The following ETV6 variants were observed in gnomAD, a reference collection of about 807,000 sequenced individuals.
ETV6 encodes ETS variant transcription factor 6, also known as transcription factor ETV6.
ETV6 carries 16 observed loss-of-function variants against 51.1 expected under a neutral mutation model. That is an observed-to-expected ratio of 0.31 (90% CI 0.21 to 0.48). The LOEUF (loss-of-function observed/expected upper bound fraction) is 0.48, where lower values mean the gene tolerates loss of function less well. Ranked by LOEUF, ETV6 falls within the 20% of genes least tolerant of loss-of-function variation. The probability of loss-of-function intolerance (pLI) is 0.99; values close to 1 mark genes in which losing one functional copy is unlikely to be tolerated. For synonymous variants in ETV6, 240 were observed against 224.1 expected, an observed-to-expected ratio of 1.07 and a Z score of -0.64; for missense variants, 458 against 594.8, an observed-to-expected ratio of 0.77 and a Z score of 2.39.
intron 2 of ETV6, among the ~76,000 whole-genome samples, chr12:11,773,738 T>C (rs545672985): frequency 3.3e-4 from 51 of 152,362 alleles, no homozygotes; most frequent in Admixed American, 1.2e-3. Flanking sequence ...GTAAGAGGAC[T>C]ATACTTGGTA....
chr12:11,736,320 G>A (rs367865016), intron 1 of ETV6, among the ~76,000 whole-genome samples: 2 of 152,180 alleles, frequency 1.3e-5, no homozygotes, highest in East Asian at 3.8e-4. Flanking sequence ...CATAGTCTGT[G>A]TCCCCTTTTT....
intron 2 of ETV6, among the ~76,000 whole-genome samples, chr12:11,791,362 A>T (rs1945586918): frequency 6.6e-6 from 1 of 152,236 alleles, no homozygotes; most frequent in South Asian, 2.1e-4. Context: ...ATGAATGTTG[A>T]CAGTCTTCCT....
At chr12:11,824,459 G>A (rs1464468489) in intron 2 of ETV6, among the ~76,000 whole-genome samples, 1 of 152,216 alleles carries the variant, frequency 6.6e-6, no homozygotes, top group African/African-American at 2.4e-5. Flanking sequence ...CTGTGGAGAA[G>A]CTGCTGGGAG....
intron 2 of ETV6, among the ~76,000 whole-genome samples, chr12:11,761,178 T>C (rs924325232): frequency 1.3e-5 from 2 of 152,200 alleles, no homozygotes; most frequent in Admixed American, 6.5e-5. Context: ...TTTCATTCTA[T>C]CTATTGGTTA....
intron 1 of ETV6, among the ~76,000 whole-genome samples, chr12:11,740,735 G>T (rs986159257): frequency 6.6e-6 from 1 of 152,102 alleles, no homozygotes; most frequent in Non-Finnish European, 1.5e-5. Flanking sequence ...AAATAAATAC[G>T]CCGGGTTCTT....
intron 1 of ETV6, among the ~76,000 whole-genome samples, chr12:11,734,977 T>C (rs565003128): frequency 6.6e-6 from 1 of 152,168 alleles, no homozygotes; most frequent in South Asian, 2.1e-4. Context: ...TAAAGTGTCA[T>C]GGAAGTGAAA....
At chr12:11,757,670 T>C (rs2051524) in intron 2 of ETV6, among the ~76,000 whole-genome samples, 93,015 of 152,020 alleles carry the variant, frequency 0.61, 29,004 homozygotes, top group Admixed American at 0.73. Context: ...ACCTTTCAGC[T>C]TTTTTAGGAG....
At chr12:11,783,053 C>G (rs964022661) in intron 2 of ETV6, among the ~76,000 whole-genome samples, 1 of 151,994 alleles carries the variant, frequency 6.6e-6, no homozygotes, top group Admixed American at 6.6e-5. Flanking sequence ...CAAGCCAAAG[C>G]AGTGTCAGAG....
At chr12:11,752,416 C>A (rs765523134) in intron 1 of ETV6, 34 bp from the exon 2 acceptor site, 55 of 1,592,844 alleles carry the variant, frequency 3.5e-5, no homozygotes, top group Non-Finnish European at 4.5e-5. Context: ...TTGTCTCTCT[C>A]CCCCTCCCCT....
intron 3 of ETV6, among the ~76,000 whole-genome samples, chr12:11,851,479 G>A (rs981524253): frequency 3.3e-5 from 5 of 152,062 alleles, no homozygotes; most frequent in African/African-American, 4.8e-5. Flanking sequence ...TCTTATCCCC[G>A]CCTCATCAGA....
chr12:11,681,793 C>G (rs1156597835), intron 1 of ETV6, among the ~76,000 whole-genome samples: 1 of 152,138 alleles, frequency 6.6e-6, no homozygotes, highest in Non-Finnish European at 1.5e-5. Flanking sequence ...ATGTTCAACT[C>G]CCATTTATGA....
In ETV6 at chr12:11,649,894, C is replaced by T. The variant is rs1863855746; in HGVS notation, c.-234C>T. 2 of 154,892 alleles carry T rather than the reference C, an allele frequency of 1.3e-5. No individual in the cohort carries two copies. Among genetic ancestry groups the T allele is most frequent in the East Asian group, 3.6e-4 (2 of 5,580 alleles). The allele number at this position is 154,892 out of a possible 1,614,324, so 9.6% of individuals were successfully genotyped here. ...GCGCCGCGCCGCGACCTGCAGACCC[C>T]GCCGCCGCGCTCGGGCCCGTCTCCC... is the stretch of plus-strand genomic sequence containing the variant. On this transcript the variant is annotated 5_prime_UTR_variant, in exon 1 of 8. Transcript: ENST00000396373.
intron 2 of ETV6, among the ~76,000 whole-genome samples, chr12:11,763,685 CT>C (rs1425427407): frequency 9.2e-5 from 14 of 152,336 alleles, no homozygotes; most frequent in Admixed American, 4.6e-4. Flanking sequence ...CACAAAGCTT[CT>C]GTGATTATTC....
intron 1 of ETV6, among the ~76,000 whole-genome samples, chr12:11,711,123 G>A (rs1382862608): frequency 6.6e-6 from 1 of 152,216 alleles, no homozygotes; most frequent in Non-Finnish European, 1.5e-5. Flanking sequence ...TGGGCAAATA[G>A]CATGGAAGGT....
chr12:11,772,541 T>C (rs1320490749), intron 2 of ETV6, among the ~76,000 whole-genome samples: 1 of 152,154 alleles, frequency 6.6e-6, no homozygotes, highest in Non-Finnish European at 1.5e-5. Flanking sequence ...ACCCAAAATT[T>C]CTAAGGAGTT....
chr12:11,885,899 T>A, intron 6 of ETV6, 27 bp from the exon 7 acceptor site: 1 of 1,553,890 alleles, frequency 6.4e-7, no homozygotes, highest in Non-Finnish European at 8.9e-7. Context: ...TGTGCTTTTT[T>A]TCTCCCTTCC....
In ETV6 at chr12:11,733,422, A is replaced by AT. The variant is rs1591638070; in HGVS notation, c.34-19028_34-19027insT. Among the ~76,000 whole-genome samples, 5 of 124,702 alleles carry AT rather than the reference A, an allele frequency of 4.0e-5. No homozygotes were observed. The East Asian group carries it at 1.3e-3, about 32-fold the overall frequency. The allele number at this position is 124,702 out of a possible 152,430, so 81.8% of individuals were successfully genotyped here. A position where few individuals can be genotyped will look rare whatever the true frequency, so the allele number is the denominator to read the frequency against. ...GACTCCATCTCAAAAAAAAAAAAAAAAAAAAAAAAATTAACCACTTCATTC... is the reference window on the plus strand; with the variant it reads ...GACTCCATCTCAAAAAAAAAAAAAAATAAAAAAAAAATTAACCACTTCATTC... On this transcript the variant is annotated intron_variant, in intron 1 of 7. Coordinates refer to ENST00000396373, the MANE Select transcript of ETV6 (RefSeq NM_001987.5).
intron 2 of ETV6, among the ~76,000 whole-genome samples, chr12:11,772,004 G>A (rs1166365880): frequency 6.6e-6 from 1 of 152,152 alleles, no homozygotes; most frequent in African/African-American, 2.4e-5. Context: ...TATATTGAAA[G>A]CCCTTAGTAT....
At chr12:11,790,808 G>C (rs1945573787) in intron 2 of ETV6, among the ~76,000 whole-genome samples, 1 of 151,270 alleles carries the variant, frequency 6.6e-6, no homozygotes, top group Non-Finnish European at 1.5e-5. Context: ...CTCCCTAGTA[G>C]CTGGGATCAC....
Sources: allele counts gnomAD v4.1 joint callset (sites outside exome capture counted in the v4.1 genomes callset), GRCh38; gene constraint gnomAD v4.1.1; transcripts MANE v1.5; gene names NCBI Gene and HGNC (gene_info 2026-07-23, HGNC 2026-07-21).